The following KDM1B variants were observed in gnomAD, a reference collection of about 807,000 sequenced individuals.
The protein encoded by KDM1B is lysine-specific histone demethylase 2.
A neutral mutation model predicts 107.4 loss-of-function variants in KDM1B; 63 were observed. The ratio of observed to expected loss-of-function variants is 0.59; its 90% CI spans 0.48 to 0.72. The LOEUF is 0.72. Ranked by LOEUF, KDM1B falls within the 30% of genes least tolerant of loss-of-function variation. The pLI is 0.00. For missense variants in KDM1B, 749 were observed against 1,020.8 expected (o/e 0.73, Z 3.63); for synonymous variants, 363 against 363.9 (o/e 1.00, Z 0.03).
At position 18,217,898 on chromosome 6, in the gene KDM1B, A is replaced by G; in HGVS notation, c.2385+13A>G. The G allele has an allele frequency of 1.9e-6, 3 of 1,601,438 alleles. No individual in the cohort carries two copies. The highest frequency in any genetic ancestry group is 2.6e-6 in the Non-Finnish European group (3 of 1,175,700). On this transcript the variant is annotated intron_variant, in intron 21 of 21. Coordinates refer to ENST00000650836, the MANE Select transcript of KDM1B (RefSeq NM_001364614.2). ...TTTCGCTGGTGAGGTATGGATCTTG[A>G]TTCCAAACCCAATTATTTGTATTTT...
intron 9 of KDM1B, among the ~76,000 whole-genome samples, chr6:18,190,607 GA>G (rs201995039): frequency 6.2e-5 from 9 of 144,790 alleles, no homozygotes; most frequent in Non-Finnish European, 7.6e-5. Context: ...ATCTTAAAAA[GA>G]AAAAAAAGAT....
rs1289732234 is a variant in KDM1B, at chr6:18,187,872, C to G, written c.654C>G (p.Pro218=). ...PPLLKDSVAA[P]LLSAYYPDCV... ...TGCTGAAAGACAGTGTGGCAGCGCC[C>G]CTGCTGTCTGCCTACTACCCTGACT... Residue 218 remains proline, a synonymous_variant, in exon 9 of 22, where the codon CCC becomes CCG. Transcript: ENST00000650836. 9.7e-6 allele frequency: 15 copies of G among 1,550,326 alleles called. No individual in the cohort carries two copies. Among genetic ancestry groups the G allele is most frequent in the Non-Finnish European group, 1.2e-5 (14 of 1,146,968 alleles).
Position 18,201,552 on chromosome 6 carries a change from G to T in KDM1B, c.1426G>T (p.Asp476Tyr), listed in dbSNP as rs1194801051. 3.2e-6 allele frequency: 5 copies of T among 1,550,074 alleles called. No homozygotes were observed. Among genetic ancestry groups the T allele is most frequent in the Non-Finnish European group, 4.4e-6 (5 of 1,146,632 alleles). Residue 476 changes from aspartate (D) to tyrosine (Y), a missense_variant, in exon 14 of 22, where the codon GAC (aspartate) becomes TAC (tyrosine). Physicochemically the swap from Asp to Tyr is radical, Grantham distance 160. Coordinates refer to ENST00000650836, the MANE Select transcript of KDM1B (RefSeq NM_001364614.2). This position sits in a 1 kb window ranked among gnomAD's most constrained non-coding sequence, Gnocchi z 4.3. ...AATTCAGGAAGGTGGAAGAATAACT[G>T]ACCCCACTATTGACAAGCGCATGGA... is the stretch of plus-strand genomic sequence containing the variant. ...DLIQEGGRIT[D>Y]PTIDKRMDFH...
At chr6:18,165,041 T>C (rs933199346) in intron 5 of KDM1B, among the ~76,000 whole-genome samples, 14 of 152,142 alleles carry the variant, frequency 9.2e-5, no homozygotes, top group Non-Finnish European at 1.9e-4. Flanking sequence ...TTTTAAGTGA[T>C]TGTTGATATA....
In KDM1B at chr6:18,209,341, GCTTCCTACA is replaced by G. The variant is rs1180189760; in HGVS notation, c.1866+1140_1866+1148del. On this transcript the variant is annotated intron_variant, in intron 17 of 21. Coordinates refer to ENST00000650836, the MANE Select transcript of KDM1B (RefSeq NM_001364614.2). The surrounding 1 kb of genome is among the most constrained non-coding windows in gnomAD (Gnocchi z 4.3). ...TATCACTAGTTCCTAGACTAGCTAT[GCTTCCTACA>G]CTTCAGGTATCTAAAACTTATTTCA... Among the ~76,000 whole-genome samples, 3 of 152,294 alleles carry G rather than the reference GCTTCCTACA, an allele frequency of 2.0e-5. No individual in the cohort carries two copies. The highest frequency in any genetic ancestry group is 7.2e-5 in the African/African-American group (3 of 41,564).
At position 18,201,644 on chromosome 6, in the gene KDM1B, T is replaced by C. The variant is rs1435606612; in HGVS notation, c.1518T>C (p.Asp506=). 1 of 1,550,258 alleles carries C rather than the reference T, an allele frequency of 6.5e-7. No individual in the cohort carries two copies. The change falls in exon 14 of 22, where the codon GAT becomes GAC. Residue 506 remains aspartate, a synonymous_variant. Coordinates refer to ENST00000650836, the MANE Select transcript of KDM1B (RefSeq NM_001364614.2). This position sits in a 1 kb window ranked among gnomAD's most constrained non-coding sequence, Gnocchi z 4.3. ...EWRKDKTQLQ[D]VPLGEKIEEI... ...GAAAGGATAAGACTCAGCTCCAAGA[T>C]GTCCCTTTAGGAGGTATGGGGAGAA...
rs1249740683 is a variant in KDM1B at position 18,186,781 on chromosome 6, C to G, written c.573+971C>G. ...GTGTCAAGCAAAGGGGGAAAAGCCC[C>G]TTGTAAAACCATCAGATCTCATGAG... On this transcript the variant is annotated intron_variant, in intron 8 of 21. Transcript: ENST00000650836. This position sits in a 1 kb window ranked among gnomAD's most constrained non-coding sequence, Gnocchi z 5.6. 1.3e-5 allele frequency among the ~76,000 whole-genome samples: 2 copies of G among 152,062 alleles called. No homozygotes were observed. The highest frequency in any genetic ancestry group is 3.9e-4 in the East Asian group (2 of 5,180).
Position 18,212,235 on chromosome 6 carries a change from G to A in KDM1B, c.1867-253G>A, listed in dbSNP as rs1489180982. 8 of 433,976 alleles carry A rather than the reference G, an allele frequency of 1.8e-5. No individual in the cohort carries two copies. Among genetic ancestry groups the A allele is most frequent in the African/African-American group, 6.0e-5 (3 of 50,126 alleles). 26.9% of individuals were successfully genotyped at this position (433,976 alleles called of 1,614,324 possible). ...GCTGGGATTACAGGCATGAGCCACCGCACCTGGCCTCTGCTGACTCTTCTT... is the reference window on the plus strand; with the variant it reads ...GCTGGGATTACAGGCATGAGCCACCACACCTGGCCTCTGCTGACTCTTCTT... On this transcript the variant is annotated intron_variant, in intron 17 of 21. Coordinates refer to ENST00000650836, the MANE Select transcript of KDM1B (RefSeq NM_001364614.2). This position sits in a 1 kb window ranked among gnomAD's most constrained non-coding sequence, Gnocchi z 5.2.
chr6:18,206,946 G>T (rs1437831486), intron 15 of KDM1B, among the ~76,000 whole-genome samples: 1 of 152,198 alleles, frequency 6.6e-6, no homozygotes, highest in African/African-American at 2.4e-5. Context: ...CTCCACGGAT[G>T]ATTTCAGAGG....
At chr6:18,163,019 T>C (rs1785069040) in intron 5 of KDM1B, 95 bp downstream of exon 5, 1 of 749,396 alleles carries the variant, frequency 1.3e-6, no homozygotes. Context: ...TCTCGAGGCT[T>C]ACTGAATTAT....
rs1784546705 is a variant in KDM1B at position 18,155,730 on chromosome 6, T to C, written c.-57-153T>C. 6.6e-6 allele frequency among the ~76,000 whole-genome samples: 1 copy of C among 152,174 alleles called. No individual in the cohort carries two copies. Among genetic ancestry groups the C allele is most frequent in the Non-Finnish European group, 1.5e-5 (1 of 68,012 alleles). The stretch of plus-strand genomic sequence containing the variant: ...GGTGGGCGGGTGCCCCAGGGACGGA[T>C]ACCTCCTGCCCCGGATTAAAAGAGG... On this transcript the variant is annotated intron_variant, in intron 1 of 21. Coordinates refer to ENST00000650836, the MANE Select transcript of KDM1B (RefSeq NM_001364614.2). This position sits in a 1 kb window ranked among gnomAD's most constrained non-coding sequence, Gnocchi z 6.2.
At chr6:18,158,850 A>T (rs1250925495) in intron 2 of KDM1B, among the ~76,000 whole-genome samples, 1 of 152,076 alleles carries the variant, frequency 6.6e-6, no homozygotes, top group East Asian at 1.9e-4. Flanking sequence ...AGTTTGGGAA[A>T]TTTTTTCCAG....
At chr6:18,196,355 T>C (rs2150957050) in intron 10 of KDM1B, among the ~76,000 whole-genome samples, 1 of 152,340 alleles carries the variant, frequency 6.6e-6, no homozygotes, top group East Asian at 1.9e-4. Flanking sequence ...TGGGGGTTGC[T>C]GGATCGTATG....
At position 18,162,752 on chromosome 6, in the gene KDM1B, T is replaced by C. The variant is rs1219919645; in HGVS notation, c.216-83T>C. ...AGATAATGCAAAATGGGTTCATAGATGGTGCTTGCAAGATGTTTTTTAAAA... is the reference window on the plus strand; with the variant it reads ...AGATAATGCAAAATGGGTTCATAGACGGTGCTTGCAAGATGTTTTTTAAAA... On this transcript the variant is annotated intron_variant, in intron 4 of 21. Coordinates refer to ENST00000650836, the MANE Select transcript of KDM1B (RefSeq NM_001364614.2). The surrounding 1 kb of genome is among the most constrained non-coding windows in gnomAD (Gnocchi z 4.1). The C allele has an allele frequency of 1.3e-6, 1 of 775,124 alleles. No individual in the cohort carries two copies. Among genetic ancestry groups the C allele is most frequent in the Non-Finnish European group, 2.3e-6 (1 of 438,976 alleles). The allele number at this position is 775,124 out of a possible 1,614,324, so 48.0% of individuals were successfully genotyped here. A position where few individuals can be genotyped will look rare whatever the true frequency, so the allele number is the denominator to read the frequency against.
chr6:18,180,611 G>A (rs906645869), intron 7 of KDM1B, among the ~76,000 whole-genome samples: 2 of 152,246 alleles, frequency 1.3e-5, no homozygotes. Flanking sequence ...TATTGCCCAG[G>A]CTGGAGTGCG....
chr6:18,179,400 G>A (rs1164755419), intron 7 of KDM1B, among the ~76,000 whole-genome samples: 1 of 152,044 alleles, frequency 6.6e-6, no homozygotes, highest in African/African-American at 2.4e-5. Flanking sequence ...AGTTATGCTG[G>A]CTCTGTGAAA....
At position 18,210,342 on chromosome 6, in the gene KDM1B, C is replaced by CTTTTTTTTTTTTTTTTTTTTTTT. The variant is rs533016543; in HGVS notation, c.1867-2138_1867-2116dup. ...TCTTTCTTTTTTTTCTCTTTCTTTT[C>CTTTTTTTTTTTTTTTTTTTTTTT]TTTTTTTTTTTTTTTTTTTTTTTTT... is the stretch of plus-strand genomic sequence containing the variant. On this transcript the variant is annotated intron_variant, in intron 17 of 21. Coordinates refer to ENST00000650836, the MANE Select transcript of KDM1B (RefSeq NM_001364614.2). Among the ~76,000 whole-genome samples, 113 of 69,998 alleles carry CTTTTTTTTTTTTTTTTTTTTTTT rather than the reference C, an allele frequency of 1.6e-3. 15 individuals carry two copies. Among genetic ancestry groups the CTTTTTTTTTTTTTTTTTTTTTTT allele is most frequent in the Non-Finnish European group, 2.2e-3 (75 of 33,978 alleles). The allele number at this position is 69,998 out of a possible 152,430, so 45.9% of individuals were successfully genotyped here. A position where few individuals can be genotyped will look rare whatever the true frequency, so the allele number is the denominator to read the frequency against.
intron 6 of KDM1B, among the ~76,000 whole-genome samples, chr6:18,166,655 C>G (rs892739250): frequency 6.6e-6 from 1 of 151,828 alleles, no homozygotes; most frequent in Non-Finnish European, 1.5e-5. Flanking sequence ...AAAGTGAGAC[C>G]CTATCTCATA....
intron 6 of KDM1B, among the ~76,000 whole-genome samples, 176 bp downstream of exon 6, chr6:18,166,554 A>G (rs1286614943): frequency 6.6e-6 from 1 of 152,228 alleles, no homozygotes. Context: ...AGTATAAAAG[A>G]GGAAACTAGG....
Sources: gnomAD v4.1 joint callset for allele counts (sites outside exome capture counted in the v4.1 genomes callset) on GRCh38, gnomAD v4.1.1 for gene constraint, Gnocchi (gnomAD v3.1) non-coding constraint, MANE v1.5 for transcripts, NCBI Gene and HGNC (gene_info 2026-07-23, HGNC 2026-07-21) for gene names.